ANXA9: variants seen among roughly 807,000 people sequenced by gnomAD.
ANXA9 encodes annexin 31.
A neutral mutation model predicts 51.8 loss-of-function variants in ANXA9; 47 were observed. That is an observed-to-expected ratio of 0.91 (90% confidence interval 0.72 to 1.16). The LOEUF (loss-of-function observed/expected upper bound fraction) is 1.16, where lower values mean the gene tolerates loss of function less well. Ranked by LOEUF, ANXA9 falls within the 50% of genes most tolerant of loss-of-function variation. ANXA9 has a pLI of 0.00. For synonymous variants in ANXA9, 154 were observed against 168.7 expected (o/e 0.91, Z 0.68); for missense variants, 361 against 424.7 (o/e 0.85, Z 1.32).
intron 12 of ANXA9, among the ~76,000 whole-genome samples, chr1:150,988,663 C>G (rs1272816685): frequency 6.6e-6 from 1 of 152,204 alleles, no homozygotes; most frequent in African/African-American, 2.4e-5. Context: ...ATAACACTAG[C>G]AAGAATAATG....
intron 9 of ANXA9, among the ~76,000 whole-genome samples, chr1:150,987,584 C>T (rs1671596260): frequency 6.6e-6 from 1 of 151,606 alleles, no homozygotes; most frequent in African/African-American, 2.4e-5. Flanking sequence ...AAAAATTAGC[C>T]AGGCATGATG....
chr1:150,988,452 G>T, intron 12 of ANXA9, 111 bp downstream of exon 12: 1 of 1,299,140 alleles, frequency 7.7e-7, no homozygotes, highest in African/African-American at 1.5e-5. Context: ...ACCTCAAGCC[G>T]CTCTCCTTCC....
Position 150,992,046 on chromosome 1 carries a change from C to T in ANXA9, c.853-2531C>T, listed in dbSNP as rs909950618. ...TCTTCCAAAGTGCTGGGATTACAGG[C>T]GTGAGCCACCGTGTCCAGCCTGTAT... On this transcript the variant is annotated intron_variant, in intron 12 of 13. Coordinates refer to ENST00000368947, the MANE Select transcript of ANXA9 (RefSeq NM_003568.3). 1.1e-4 allele frequency among the ~76,000 whole-genome samples: 17 copies of T among 152,198 alleles called. No homozygotes were observed. In the East Asian group the frequency reaches 2.1e-3, roughly 19 times the overall value.
chr1:150,984,189 T>A, intron 5 of ANXA9, 92 bp from the exon 6 acceptor site: 1 of 1,537,756 alleles, frequency 6.5e-7, no homozygotes, highest in Non-Finnish European at 9.0e-7. Context: ...GGGCCTGAGA[T>A]GAAAACCAGC....
chr1:150,990,521 C>T (rs1384621497), intron 12 of ANXA9, among the ~76,000 whole-genome samples: 2 of 152,152 alleles, frequency 1.3e-5, no homozygotes, highest in African/African-American at 4.8e-5. Flanking sequence ...CGTAGGCCAC[C>T]ATATCTGGCT....
At chr1:150,985,161 G>A (rs941326659) in intron 7 of ANXA9, among the ~76,000 whole-genome samples, 1 of 150,882 alleles carries the variant, frequency 6.6e-6, no homozygotes, top group East Asian at 1.9e-4. Context: ...ACAGGAGTGA[G>A]AGCATGTCTC....
At chr1:150,994,456 C>T (rs1359000639) in intron 12 of ANXA9, 121 bp from the exon 13 acceptor site, 33 of 1,442,526 alleles carry the variant, frequency 2.3e-5, no homozygotes, top group Non-Finnish European at 3.0e-5. Flanking sequence ...GTATAATGTA[C>T]ACTCTTATCC....
At chr1:150,995,153 C>T (rs1245136672) in intron 13 of ANXA9, 107 bp from the exon 14 acceptor site, 4 of 1,147,834 alleles carry the variant, frequency 3.5e-6, no homozygotes, top group South Asian at 3.1e-5. Flanking sequence ...CCCGGGAGGA[C>T]CCTTCCCTCC....
chr1:150,979,321 G>A (rs1179166492), upstream of ANXA9, among the ~76,000 whole-genome samples: 1 of 151,900 alleles, frequency 6.6e-6, no homozygotes, highest in African/African-American at 2.4e-5. Flanking sequence ...CGCTTCCTTC[G>A]GTTCTCCCTA....
chr1:150,988,512 T>C (rs1337833318), intron 12 of ANXA9, among the ~76,000 whole-genome samples, 171 bp downstream of exon 12: 1 of 152,156 alleles, frequency 6.6e-6, no homozygotes, highest in Non-Finnish European at 1.5e-5. Context: ...TGAGCTGTGG[T>C]GAGAACTAAC....
At chr1:150,979,088 G>T (rs1289436557), upstream of ANXA9, among the ~76,000 whole-genome samples, 1 of 151,708 alleles carries the variant, frequency 6.6e-6, no homozygotes, top group Non-Finnish European at 1.5e-5. Context: ...CTGCAATCCG[G>T]CCCTGAAGTT....
chr1:150,986,385 C>A lies in ANXA9; in HGVS notation c.522C>A (p.Ile174=). The part of the protein sequence containing the change: ...VDDITSETSG[I]LQDLLLALAK... ...ACATCACATCTGAGACCAGTGGCATCTTGCAGGACCTGCTGTTGGCCCTGG... is the reference window on the plus strand; with the variant it reads ...ACATCACATCTGAGACCAGTGGCATATTGCAGGACCTGCTGTTGGCCCTGG... The change falls in exon 8 of 14, where the codon ATC becomes ATA. Residue 174 remains isoleucine, a synonymous_variant. Transcript: ENST00000368947. The A allele has an allele frequency of 4.3e-6, 7 of 1,614,144 alleles. No homozygotes were observed. Among genetic ancestry groups the A allele is most frequent in the Non-Finnish European group, 5.9e-6 (7 of 1,180,002 alleles).
intron 7 of ANXA9, 109 bp from the exon 8 acceptor site, chr1:150,986,227 G>A: frequency 1.1e-6 from 1 of 895,662 alleles, no homozygotes; most frequent in East Asian, 2.5e-5. Flanking sequence ...CTCCAAGCAG[G>A]GGCTAGCAGG....
At chr1:150,993,289 G>A (rs587775358) in intron 12 of ANXA9, among the ~76,000 whole-genome samples, 1 of 151,768 alleles carries the variant, frequency 6.6e-6, no homozygotes, top group South Asian at 2.1e-4. Flanking sequence ...GGATTTTGAT[G>A]ACTTGTACCT....
intron 2 of ANXA9, 63 bp from the exon 3 acceptor site, chr1:150,983,027 G>T: frequency 6.3e-6 from 8 of 1,279,174 alleles, no homozygotes; most frequent in Non-Finnish European, 1.1e-6. Context: ...TCTCGGGGGG[G>T]TCATAAGGAG....
chr1:150,984,623 T>G lies in ANXA9; in HGVS notation c.419T>G (p.Leu140Arg), dbSNP rs587665708. 6.2e-7 allele frequency: 1 copy of G among 1,614,168 alleles called. No individual in the cohort carries two copies. The highest frequency in any genetic ancestry group is 1.1e-5 in the South Asian group (1 of 91,084). The change falls in exon 7 of 14, where the codon CTT (leucine) becomes CGT (arginine). Residue 140 changes from leucine (L) to arginine (R), a missense_variant. Transcript: ENST00000368947. ...GCTGTGGACGTGGCCATTGAAATTCTTGCCACTCGAACCCCACCCCAGCTG... is the reference window on the plus strand; with the variant it reads ...GCTGTGGACGTGGCCATTGAAATTCGTGCCACTCGAACCCCACCCCAGCTG... Reference protein sequence around the residue: ...DSAVDVAIEILATRTPPQLQE... With the variant: ...DSAVDVAIEIRATRTPPQLQE...
At chr1:150,982,214 C>T (rs1401764879), upstream of ANXA9, 1 of 152,466 alleles carries the variant, frequency 6.6e-6, no homozygotes, top group Non-Finnish European at 1.5e-5. Flanking sequence ...GGGCCAGAGT[C>T]AGACAACTGC....
At chr1:150,993,553 G>A (rs1671756317) in intron 12 of ANXA9, among the ~76,000 whole-genome samples, 1 of 150,342 alleles carries the variant, frequency 6.7e-6, no homozygotes, top group Non-Finnish European at 1.5e-5. Context: ...TAAATGATCT[G>A]CTTGCCTTGG....
At chr1:150,978,366 G>T (rs1404978709), upstream of ANXA9, among the ~76,000 whole-genome samples, 1 of 152,098 alleles carries the variant, frequency 6.6e-6, no homozygotes, top group Non-Finnish European at 1.5e-5. Context: ...GGAGGCAGAG[G>T]TTACAGTGAG....
Sources: gnomAD v4.1 joint callset for allele counts (sites outside exome capture counted in the v4.1 genomes callset) on GRCh38, gnomAD v4.1.1 for gene constraint, MANE v1.5 for transcripts, NCBI Gene and HGNC (gene_info 2026-07-23, HGNC 2026-07-21) for gene names.